The following SEPTIN12 variants were observed in gnomAD, a reference collection of about 807,000 sequenced individuals.
SEPTIN12 encodes septin 12, also known as septin-12.
In SEPTIN12, 42 loss-of-function variants were observed where a neutral mutation model predicts 37.7. That is an observed-to-expected ratio of 1.11 (90% CI 0.87 to 1.44). The LOEUF (loss-of-function observed/expected upper bound fraction) is 1.44, where lower values mean the gene tolerates loss of function less well. Ranked by LOEUF, SEPTIN12 falls within the 40% of genes most tolerant of loss-of-function variation. The pLI, the probability that SEPTIN12 is intolerant of heterozygous loss-of-function variation, is 0.00. For synonymous variants in SEPTIN12, 254 were observed against 196.7 expected, an observed-to-expected ratio of 1.29 and a Z score of -2.44; for missense variants, 613 against 479.2, an observed-to-expected ratio of 1.28 and a Z score of -2.61.
chr16:4,778,993 C>T (rs922799926), intron 8 of SEPTIN12, among the ~76,000 whole-genome samples: 1 of 151,168 alleles, frequency 6.6e-6, no homozygotes, highest in Non-Finnish European at 1.5e-5. Flanking sequence ...AAAAAATTAG[C>T]TGGGCGTGGT....
chr16:4,782,779 A>G (rs1222315833), intron 7 of SEPTIN12, among the ~76,000 whole-genome samples: 1 of 151,620 alleles, frequency 6.6e-6, no homozygotes, highest in Non-Finnish European at 1.5e-5. Context: ...GATTTCTTGT[A>G]TTTTTAGTAG....
rs148619854 is a variant in SEPTIN12 at position 4,778,124 on chromosome 16, C to T, written c.837G>A (p.Ala279=). 59 of 1,614,062 alleles carry T rather than the reference C, an allele frequency of 3.7e-5. No homozygotes were observed. The highest frequency in any genetic ancestry group is 5.5e-5 in the South Asian group (5 of 91,080). ...KWGIIEVENM[A]HCEFPLLRDL... is the part of the protein sequence containing the mutation. Reference sequence around the variant, plus strand: ...CTCTCAGGAGAGGAAATTCACAGTGCGCCATGTTCTCCACTGCAAGACATG... The same window carrying T: ...CTCTCAGGAGAGGAAATTCACAGTGTGCCATGTTCTCCACTGCAAGACATG... The change falls in exon 9 of 10, where the codon GCG becomes GCA. Residue 279 remains alanine (A), a synonymous_variant. Transcript: ENST00000268231.
rs369410288 is a variant in SEPTIN12, at chr16:4,785,832, C to T, written c.349G>A (p.Gly117Arg). ...KLTVTDTPGF[G>R]DQINNDNCWD... ...CAGTTGTCATTGTTGATCTGGTCCCCGAAGCCGGGCGTGTCCGTCACCGTC... is the reference window on the plus strand; with the variant it reads ...CAGTTGTCATTGTTGATCTGGTCCCTGAAGCCGGGCGTGTCCGTCACCGTC... The change falls in exon 4 of 10, where the codon GGG (glycine) becomes AGG (arginine). Residue 117 changes from glycine to arginine, a missense_variant. Coordinates refer to ENST00000268231, the MANE Select transcript of SEPTIN12 (RefSeq NM_144605.5). The T allele has an allele frequency of 1.9e-5, 31 of 1,613,392 alleles. No homozygotes were observed. The highest frequency in any genetic ancestry group is 5.3e-5 in the African/African-American group (4 of 74,770).
chr16:4,790,982 A>G (rs2082542125), upstream of SEPTIN12, among the ~76,000 whole-genome samples: 1 of 152,222 alleles, frequency 6.6e-6, no homozygotes, highest in Non-Finnish European at 1.5e-5. Context: ...GGCCTCTCCC[A>G]TAAGCAGCTG....
chr16:4,789,967 T>C (rs2082526557), upstream of SEPTIN12: 1 of 151,436 alleles, frequency 6.6e-6, no homozygotes. Flanking sequence ...CAAGTTGGAG[T>C]GCAGAGGCAC....
upstream of SEPTIN12, among the ~76,000 whole-genome samples, chr16:4,789,440 C>G (rs1381899393): frequency 1.3e-5 from 2 of 152,136 alleles, no homozygotes; most frequent in Non-Finnish European, 2.9e-5. Flanking sequence ...GCTCTCCTGC[C>G]TCAGCCTCCC....
Position 4,783,929 on chromosome 16 carries a change from A to T in SEPTIN12, c.512+2T>A, listed in dbSNP as rs2082403557. 6.2e-7 allele frequency: 1 copy of T among 1,613,974 alleles called. No individual in the cohort carries two copies. The highest frequency in any genetic ancestry group is 1.7e-5 in the Admixed American group (1 of 60,014). ...CTCGCCTTGCAGGTGCAGCCCCCTCACCAGTGCCCAGTGGGTGGTACAAAG... is the reference window on the plus strand; with the variant it reads ...CTCGCCTTGCAGGTGCAGCCCCCTCTCCAGTGCCCAGTGGGTGGTACAAAG... On this transcript the variant is annotated splice_donor_variant, in intron 5 of 9. Coordinates refer to ENST00000268231, the MANE Select transcript of SEPTIN12 (RefSeq NM_144605.5). LOFTEE classifies it high-confidence loss of function.
At chr16:4,780,791 C>T (rs2082363905) in intron 7 of SEPTIN12, among the ~76,000 whole-genome samples, 1 of 152,106 alleles carries the variant, frequency 6.6e-6, no homozygotes, top group South Asian at 2.1e-4. Flanking sequence ...CCAGCCTGGT[C>T]AACATGGTGA....
upstream of SEPTIN12, among the ~76,000 whole-genome samples, chr16:4,791,388 G>T (rs2082548768): frequency 6.6e-6 from 1 of 152,186 alleles, no homozygotes; most frequent in South Asian, 2.1e-4. Context: ...ATAGCACAGG[G>T]CATTCAGTGC....
chr16:4,783,677 A>G lies in SEPTIN12; in HGVS notation c.602T>C (p.Met201Thr). The G allele has an allele frequency of 6.2e-7, 1 of 1,614,002 alleles. No homozygotes were observed. The highest frequency in any genetic ancestry group is 8.5e-7 in the Non-Finnish European group (1 of 1,180,004). ...PVIARADSLT[M>T]EEREAFRRRI... ...GCGCCTGAAGGCCTCTCGCTCCTCC[A>G]TGGTCAGGCTGTCGGCCCTGGCAAT... The change falls in exon 6 of 10, where the codon ATG becomes ACG. Residue 201 changes from methionine (M) to threonine (T), a missense_variant. Coordinates refer to ENST00000268231, the MANE Select transcript of SEPTIN12 (RefSeq NM_144605.5).
rs2082334246 is a variant in SEPTIN12 at position 4,778,136 on chromosome 16, C to T, written c.825G>A (p.Val275=). The T allele has an allele frequency of 6.2e-7, 1 of 1,614,208 alleles. No homozygotes were observed. Among genetic ancestry groups the T allele is most frequent in the Non-Finnish European group, 8.5e-7 (1 of 1,180,032 alleles). Residue 275 remains valine, a splice_region_variant and synonymous_variant, in exon 9 of 10, where the codon GTG becomes GTA. Transcript: ENST00000268231. The part of the protein sequence containing the change: ...GRKTKWGIIE[V]ENMAHCEFPL... ...GAAATTCACAGTGCGCCATGTTCTC[C>T]ACTGCAAGACATGGGACTCAGTATG...
chr16:4,788,992 C>CT (rs1279063811), upstream of SEPTIN12, among the ~76,000 whole-genome samples: 1 of 152,202 alleles, frequency 6.6e-6, no homozygotes, highest in Non-Finnish European at 1.5e-5. Context: ...TCACCCCTGC[C>CT]TTACTGTCTC....
upstream of SEPTIN12, among the ~76,000 whole-genome samples, chr16:4,791,169 C>T (rs1185430518): frequency 1.3e-5 from 2 of 152,174 alleles, no homozygotes; most frequent in Admixed American, 1.3e-4. Flanking sequence ...AAAATCGTGG[C>T]GGTGAGGGGA....
At position 4,785,790 on chromosome 16, in the gene SEPTIN12, A is replaced by AAG; in HGVS notation, c.374+16_374+17insCT. On this transcript the variant is annotated intron_variant, in intron 4 of 9. Transcript: ENST00000268231. ...TGAAACTCTGCCTAAAAAAAAAAAA[A>AAG]AAGAGAGAGAACCTACCAGTTGTCA... is the stretch of plus-strand genomic sequence containing the variant. The AAG allele has an allele frequency of 1.3e-6, 2 of 1,533,560 alleles. No individual in the cohort carries two copies. Among genetic ancestry groups the AAG allele is most frequent in the Non-Finnish European group, 1.8e-6 (2 of 1,130,938 alleles). 95.0% of individuals were successfully genotyped at this position (1,533,560 alleles called of 1,614,324 possible). A position where few individuals can be genotyped will look rare whatever the true frequency, so the allele number is the denominator to read the frequency against.
chr16:4,783,396 C>G, intron 7 of SEPTIN12, 66 bp downstream of exon 7: 1 of 1,188,850 alleles, frequency 8.4e-7, no homozygotes, highest in Non-Finnish European at 1.3e-6. Context: ...AAAGATGAGT[C>G]TTTGGATGGA....
At chr16:4,790,443 T>C (rs2082534478), upstream of SEPTIN12, among the ~76,000 whole-genome samples, 1 of 152,212 alleles carries the variant, frequency 6.6e-6, no homozygotes, top group Non-Finnish European at 1.5e-5. Context: ...CTGCCAGTTC[T>C]TCCTTCTGGG....
chr16:4,787,564 C>A lies in SEPTIN12; in HGVS notation c.82G>T (p.Gly28Cys). The A allele has an allele frequency of 1.2e-6, 2 of 1,611,188 alleles. No homozygotes were observed. Among genetic ancestry groups the A allele is most frequent in the South Asian group, 1.1e-5 (1 of 91,082 alleles). Residue 28 changes from glycine (G) to cysteine (C), a missense_variant, in exon 2 of 10, where the codon GGT (glycine) becomes TGT (cysteine). Gly to Cys is a radical substitution (Grantham distance 159). Transcript: ENST00000268231. ...AGCACAGCCTCAATGCCCACAGGAC[C>A]AAGCATCTCGCAGGGTGGGGTGCTG... ...SPSTPPCEML[G>C]PVGIEAVLDQ...
At chr16:4,787,751 A>T (rs2082482194) in intron 1 of SEPTIN12, 84 bp from the exon 2 acceptor site, 1 of 641,002 alleles carries the variant, frequency 1.6e-6, no homozygotes, top group Admixed American at 2.8e-5. Context: ...CCCCTATTTG[A>T]GCTTGGCCGT....
chr16:4,783,042 G>A (rs1287624802), intron 7 of SEPTIN12, among the ~76,000 whole-genome samples: 1 of 151,610 alleles, frequency 6.6e-6, no homozygotes, highest in African/African-American at 2.4e-5. Flanking sequence ...TGAGTAGCTG[G>A]GACTAAAGGC....
Sources: gnomAD v4.1 joint callset for allele counts (sites outside exome capture counted in the v4.1 genomes callset) on GRCh38, gnomAD v4.1.1 for gene constraint, MANE v1.5 for transcripts, NCBI Gene and HGNC (gene_info 2026-07-23, HGNC 2026-07-21) for gene names.